Variants in SMOC1 observed in about 807,000 individuals in gnomAD.
The protein encoded by SMOC1 is SPARC related modular calcium binding 1.
In SMOC1, 22 loss-of-function variants were observed where a neutral mutation model predicts 56.3. The observed-to-expected ratio is 0.39, with a 90% confidence interval of 0.28 to 0.56. SMOC1 has a LOEUF of 0.56. SMOC1 is among the 20% of genes least tolerant of loss of function. The pLI is 0.61. For synonymous variants in SMOC1, 193 were observed against 215.0 expected, an observed-to-expected ratio of 0.90 and a Z score of 0.89; for missense variants, 509 against 565.4, an observed-to-expected ratio of 0.90 and a Z score of 1.01.
chr14:69,916,532 C>T (rs992787811), intron 1 of SMOC1, among the ~76,000 whole-genome samples: 13 of 152,248 alleles, frequency 8.5e-5, no homozygotes, highest in African/African-American at 2.9e-4. Flanking sequence ...TTGGCTGCCT[C>T]TCTGATCTGA....
intron 1 of SMOC1, among the ~76,000 whole-genome samples, chr14:69,950,730 T>C (rs866837846): frequency 2.6e-5 from 4 of 152,326 alleles, no homozygotes; most frequent in East Asian, 1.9e-4. Context: ...TCATGGATTG[T>C]AATAGCCCAA....
intron 11 of SMOC1, among the ~76,000 whole-genome samples, chr14:70,028,018 T>C (rs1424897035): frequency 6.6e-6 from 1 of 152,084 alleles, no homozygotes; most frequent in Non-Finnish European, 1.5e-5. Flanking sequence ...GCGAGGGGCT[T>C]GCATGCTAGG....
intron 3 of SMOC1, among the ~76,000 whole-genome samples, chr14:69,961,318 A>ATATC (rs1594825034): frequency 8.7e-6 from 1 of 114,372 alleles, no homozygotes; most frequent in Non-Finnish European, 1.8e-5. Context: ...ATATATATAT[A>ATATC]TCCTGTTTTA....
At chr14:69,927,012 C>T (rs192710485) in intron 1 of SMOC1, among the ~76,000 whole-genome samples, 1 of 152,346 alleles carries the variant, frequency 6.6e-6, no homozygotes, top group East Asian at 1.9e-4. Flanking sequence ...ATTCTAAATT[C>T]TTCATGTGTC....
intron 1 of SMOC1, among the ~76,000 whole-genome samples, chr14:69,894,268 G>C (rs10133443): frequency 0.031 from 4,668 of 152,268 alleles, 197 homozygotes; most frequent in South Asian, 0.12. Context: ...GCAAATGGCT[G>C]TAATGGTTCC....
intron 1 of SMOC1, among the ~76,000 whole-genome samples, chr14:69,892,999 T>A (rs1380559089): frequency 6.6e-6 from 1 of 152,242 alleles, no homozygotes; most frequent in East Asian, 1.9e-4. Context: ...GTTTCTCCTC[T>A]ACCTCTTTTT....
chr14:70,030,442 A>G lies in SMOC1; in HGVS notation c.*184A>G, dbSNP rs1008480736. The G allele has an allele frequency of 3.7e-5, 24 of 645,204 alleles. No individual in the cohort carries two copies. The highest frequency in any genetic ancestry group is 4.4e-4 in the Middle Eastern group (1 of 2,294). The allele number at this position is 645,204 out of a possible 1,614,324, so 40.0% of individuals were successfully genotyped here. ...TTTTTGGTTTCATTTTAAAACACCA[A>G]TATCTAATACCACAGTGGGAAAAGG... On this transcript the variant is annotated 3_prime_UTR_variant, in exon 12 of 12. Transcript: ENST00000361956.
chr14:69,965,696 TG>T (rs1305026037), intron 3 of SMOC1, among the ~76,000 whole-genome samples: 1 of 152,076 alleles, frequency 6.6e-6, no homozygotes, highest in Admixed American at 6.5e-5. Flanking sequence ...GTTCCTACAT[TG>T]GGAAGGGGGT....
rs373070017 is a variant in SMOC1 at position 69,912,919 on chromosome 14, G to C, written c.99+33142G>C. On this transcript the variant is annotated intron_variant, in intron 1 of 11. Coordinates refer to ENST00000361956, the MANE Select transcript of SMOC1 (RefSeq NM_001034852.3). ...CCTTATTTCACTAGGAAATATCCAG[G>C]CCTGTTTATTTTTCACTTTAAACAC... Among the ~76,000 whole-genome samples, 5 of 152,244 alleles carry C rather than the reference G, an allele frequency of 3.3e-5. No individual in the cohort carries two copies. The South Asian group carries it at 8.3e-4, about 25-fold the overall frequency.
chr14:70,025,006 CAAGTTAGGTATGGGACA>C (rs1315354412), intron 11 of SMOC1, among the ~76,000 whole-genome samples: 5 of 152,046 alleles, frequency 3.3e-5, no homozygotes, highest in Non-Finnish European at 7.4e-5. Context: ...GATTGGAGAT[CAAGTTAGGTATGGGACA>C]AAGGTAGGTT....
chr14:69,928,617 G>C (rs1276117), intron 1 of SMOC1, among the ~76,000 whole-genome samples: 15 of 19,114 alleles, frequency 7.8e-4, no homozygotes, highest in Admixed American at 2.5e-3. Flanking sequence ...GTGCTCATTG[G>C]GGGGGGGGTC....
chr14:69,899,723 C>T lies in SMOC1; in HGVS notation c.99+19946C>T, dbSNP rs576097960. On this transcript the variant is annotated intron_variant, in intron 1 of 11. Coordinates refer to ENST00000361956, the MANE Select transcript of SMOC1 (RefSeq NM_001034852.3). Reference sequence around the variant, plus strand: ...GTAAAACTCACTAAAATGTGGAAGTCCCCCTAAGTCTAGGTGCCCTTGCAG... The same window carrying T: ...GTAAAACTCACTAAAATGTGGAAGTTCCCCTAAGTCTAGGTGCCCTTGCAG... 9.9e-4 allele frequency among the ~76,000 whole-genome samples: 151 copies of T among 152,264 alleles called. 1 individual carries two copies. The highest frequency in any genetic ancestry group is 1.7e-3 in the Non-Finnish European group (115 of 68,028).
intron 1 of SMOC1, among the ~76,000 whole-genome samples, chr14:69,951,915 G>A (rs895519264): frequency 1.3e-5 from 2 of 152,216 alleles, no homozygotes; most frequent in Admixed American, 6.5e-5. Context: ...CACAATGCCT[G>A]TTAATGGTCA....
chr14:69,924,396 C>G (rs77370254), intron 1 of SMOC1, among the ~76,000 whole-genome samples: 4,010 of 152,300 alleles, frequency 0.026, 82 homozygotes, highest in Admixed American at 0.056. Context: ...CTGGAAATCA[C>G]TGGTCTATAC....
intron 5 of SMOC1, among the ~76,000 whole-genome samples, chr14:69,991,267 T>G (rs1017790303): frequency 6.6e-6 from 1 of 152,146 alleles, no homozygotes; most frequent in African/African-American, 2.4e-5. Flanking sequence ...CCTCCCCCCG[T>G]GGAGAGAAAT....
intron 7 of SMOC1, among the ~76,000 whole-genome samples, chr14:70,007,455 C>T (rs1469011833): frequency 4.6e-5 from 7 of 152,202 alleles, no homozygotes; most frequent in Non-Finnish European, 1.0e-4. Flanking sequence ...AGATTTGTAG[C>T]GTGCTTAGGT....
At chr14:70,013,791 G>C (rs1310504512) in intron 10 of SMOC1, among the ~76,000 whole-genome samples, 1 of 152,226 alleles carries the variant, frequency 6.6e-6, no homozygotes, top group African/African-American at 2.4e-5. Context: ...TGATGGGTTG[G>C]AGTGAGAGTT....
intron 3 of SMOC1, among the ~76,000 whole-genome samples, chr14:69,966,820 A>C (rs972468834): frequency 1.3e-5 from 2 of 152,214 alleles, no homozygotes; most frequent in African/African-American, 4.8e-5. Flanking sequence ...CCACAGAAAG[A>C]CTTGAAGATG....
At chr14:69,933,179 C>G (rs979894957) in intron 1 of SMOC1, among the ~76,000 whole-genome samples, 4 of 152,294 alleles carry the variant, frequency 2.6e-5, no homozygotes, top group African/African-American at 9.6e-5. Context: ...TTATCTTACT[C>G]TTTTACTTCA....
Sources: gnomAD v4.1 joint callset for allele counts (sites outside exome capture counted in the v4.1 genomes callset) on GRCh38, gnomAD v4.1.1 for gene constraint, MANE v1.5 for transcripts, NCBI Gene and HGNC (gene_info 2026-07-23, HGNC 2026-07-21) for gene names.